The following ACACA variants were observed in gnomAD, a reference collection of about 807,000 sequenced individuals.
The protein encoded by ACACA is acetyl-CoA carboxylase 1.
ACACA carries 103 observed loss-of-function variants against 296.1 expected under a neutral mutation model. The observed-to-expected ratio is 0.35, with a 90% CI of 0.30 to 0.41. The LOEUF is 0.41. Among genes scored for constraint, ACACA ranks in the 10% least tolerant of loss-of-function variants. ACACA has a pLI of 1.00. For missense variants in ACACA, 1,554 were observed against 2,989.7 expected (o/e 0.52, Z 11.20); for synonymous variants, 953 against 1,038.6 (o/e 0.92, Z 1.58).
At chr17:37,162,094 G>T in intron 41 of ACACA, 44 bp from the exon 42 acceptor site, 1 of 1,610,638 alleles carries the variant, frequency 6.2e-7, no homozygotes. Flanking sequence ...TTTCTTACAG[G>T]CAGAATTTTT....
intron 11 of ACACA, among the ~76,000 whole-genome samples, chr17:37,260,350 A>G (rs1400049310): frequency 1.6e-5 from 2 of 123,860 alleles, no homozygotes; most frequent in African/African-American, 3.1e-5. Flanking sequence ...CCCACCCAGG[A>G]TGGAGCACAG....
At position 37,326,437 on chromosome 17, in the gene ACACA, A is replaced by T. The variant is rs1209555163; in HGVS notation, c.338+3736T>A. Reference sequence around the variant, plus strand: ...TCCCAGCTACTCAGGAGGCTGAGGCAGGAGAATCTCTTGAACCCGGGAGGC... The same window carrying T: ...TCCCAGCTACTCAGGAGGCTGAGGCTGGAGAATCTCTTGAACCCGGGAGGC... On this transcript the variant is annotated intron_variant, in intron 3 of 55. Coordinates refer to ENST00000616317, the MANE Select transcript of ACACA (RefSeq NM_198834.3). Among the ~76,000 whole-genome samples the T allele has an allele frequency of 2.6e-5, 4 of 151,946 alleles. No individual in the cohort carries two copies. In the East Asian group the frequency reaches 7.7e-4, roughly 29 times the overall value.
rs1177272286 is a variant in ACACA, at chr17:37,370,378, G to A, written c.39-30528C>T. Among the ~76,000 whole-genome samples, 41 of 151,484 alleles carry A rather than the reference G, an allele frequency of 2.7e-4. 1 individual carries two copies. Among genetic ancestry groups the A allele is most frequent in the African/African-American group, 9.7e-4 (40 of 41,270 alleles). The stretch of plus-strand genomic sequence containing the variant: ...AAGAAATTTCCAGCCCAGACGCGGT[G>A]GCTCACGCCTGTAATCCTAGCACTT... On this transcript the variant is annotated intron_variant, in intron 1 of 55. Coordinates refer to ENST00000616317, the MANE Select transcript of ACACA (RefSeq NM_198834.3).
chr17:37,266,518 T>G, intron 10 of ACACA, among the ~76,000 whole-genome samples: 1 of 151,992 alleles, frequency 6.6e-6, no homozygotes, highest in Non-Finnish European at 1.5e-5. Context: ...AAAGGGTAAT[T>G]TATTAGCTAC....
At chr17:37,367,346 C>T (rs1388454834) in intron 1 of ACACA, among the ~76,000 whole-genome samples, 5 of 151,818 alleles carry the variant, frequency 3.3e-5, no homozygotes, top group African/African-American at 1.2e-4. Context: ...GGGGTGAATA[C>T]AGGCAAGCAA....
intron 41 of ACACA, among the ~76,000 whole-genome samples, chr17:37,171,903 A>G (rs1341421349): frequency 6.6e-6 from 1 of 152,182 alleles, no homozygotes; most frequent in Non-Finnish European, 1.5e-5. Flanking sequence ...TATTTGAGAA[A>G]TGGGGCCCAG....
intron 45 of ACACA, among the ~76,000 whole-genome samples, chr17:37,142,680 C>T (rs568241131): frequency 2.8e-4 from 43 of 152,270 alleles, no homozygotes; most frequent in African/African-American, 9.9e-4. Context: ...TGATTATGAG[C>T]TATTGTATCA....
chr17:37,234,851 C>A, intron 25 of ACACA, 124 bp downstream of exon 25: 1 of 1,095,660 alleles, frequency 9.1e-7, no homozygotes, highest in Non-Finnish European at 1.3e-6. Context: ...ACAGCTCAAG[C>A]CCCATTCATC....
At chr17:37,389,397 TAAAG>T (rs1432143948) in intron 1 of ACACA, 2 of 1,553,558 alleles carry the variant, frequency 1.3e-6, no homozygotes, top group East Asian at 4.9e-5. Flanking sequence ...GTCATTTGCT[TAAAG>T]AAGGTGGGGT....
intron 42 of ACACA, among the ~76,000 whole-genome samples, chr17:37,158,393 C>T (rs1381341095): frequency 1.3e-5 from 2 of 152,102 alleles, no homozygotes; most frequent in Admixed American, 1.3e-4. Context: ...CTTTGGGAGG[C>T]CAAGATGGGC....
At chr17:37,194,089 A>C (rs909454042) in intron 35 of ACACA, among the ~76,000 whole-genome samples, 6 of 152,102 alleles carry the variant, frequency 3.9e-5, no homozygotes, top group African/African-American at 1.4e-4. Flanking sequence ...AACAAAGATG[A>C]ATTCAATTAG....
intron 33 of ACACA, among the ~76,000 whole-genome samples, chr17:37,204,610 T>C (rs1042557433): frequency 2.6e-5 from 4 of 152,228 alleles, no homozygotes; most frequent in African/African-American, 9.6e-5. Context: ...ACATACATTT[T>C]AGTTAGGGCT....
At chr17:37,246,440 T>C (rs2080705449) in intron 19 of ACACA, among the ~76,000 whole-genome samples, 2 of 152,006 alleles carry the variant, frequency 1.3e-5, no homozygotes, top group South Asian at 2.1e-4. Flanking sequence ...TTTTTAGAAA[T>C]AGGGTCTTGA....
chr17:37,201,007 C>T (rs983539837), intron 33 of ACACA, among the ~76,000 whole-genome samples: 1 of 152,208 alleles, frequency 6.6e-6, no homozygotes, highest in Admixed American at 6.5e-5. Context: ...AGTTTTGATA[C>T]AACAGTCCCC....
intron 1 of ACACA, among the ~76,000 whole-genome samples, chr17:37,374,288 TC>T (rs1861693262): frequency 6.7e-6 from 1 of 150,300 alleles, no homozygotes; most frequent in Non-Finnish European, 1.5e-5. Flanking sequence ...TTTTTTCTTT[TC>T]TTTTTTTTTT....
At chr17:37,107,748 G>T (rs530812037) in intron 52 of ACACA, among the ~76,000 whole-genome samples, 1 of 152,382 alleles carries the variant, frequency 6.6e-6, no homozygotes, top group South Asian at 2.1e-4. Context: ...CATTTTGAGA[G>T]AGAGGGACAG....
chr17:37,173,047 A>C (rs1004475537), intron 41 of ACACA, among the ~76,000 whole-genome samples: 3 of 152,260 alleles, frequency 2.0e-5, no homozygotes, highest in African/African-American at 7.2e-5. Context: ...AAACAAAAGC[A>C]AGGTAAAGTA....
chr17:37,251,426 A>G (rs1344021195), intron 16 of ACACA, among the ~76,000 whole-genome samples: 1 of 152,228 alleles, frequency 6.6e-6, no homozygotes, highest in African/African-American at 2.4e-5. Context: ...ATATAAGTCT[A>G]ACAACACAGA....
chr17:37,154,894 T>TGGCAA (rs1241116203), intron 43 of ACACA, among the ~76,000 whole-genome samples: 7 of 152,348 alleles, frequency 4.6e-5, no homozygotes, highest in African/African-American at 1.7e-4. Context: ...ACAATTGCCA[T>TGGCAA]TTTTATTCCA....
Sources: allele counts gnomAD v4.1 joint callset (sites outside exome capture counted in the v4.1 genomes callset), GRCh38; gene constraint gnomAD v4.1.1; transcripts MANE v1.5; gene names NCBI Gene and HGNC (gene_info 2026-07-23, HGNC 2026-07-21).